The following LAP3 variants were observed in gnomAD, a reference collection of about 807,000 sequenced individuals.
The protein encoded by LAP3 is cytosol aminopeptidase.
Under a neutral mutation model 58.8 loss-of-function variants are expected in LAP3, and 46 were observed. That is an observed-to-expected ratio of 0.78 (90% CI 0.62 to 1.00). The LOEUF (loss-of-function observed/expected upper bound fraction) is 1.00, where lower values mean the gene tolerates loss of function less well. Ranked by LOEUF, LAP3 falls within the 50% of genes least tolerant of loss-of-function variation. LAP3 has a pLI of 0.00. For synonymous variants in LAP3, 257 were observed against 237.7 expected, an observed-to-expected ratio of 1.08 and a Z score of -0.75; for missense variants, 615 against 659.1, an observed-to-expected ratio of 0.93 and a Z score of 0.73.
intron 2 of LAP3, among the ~76,000 whole-genome samples, chr4:17,581,421 C>T (rs1002895722): frequency 6.6e-6 from 1 of 152,038 alleles, no homozygotes; most frequent in Non-Finnish European, 1.5e-5. Flanking sequence ...ATTAGAAAGG[C>T]TACACCTAAG....
chr4:17,578,714 C>T (rs1713276081), intron 1 of LAP3, among the ~76,000 whole-genome samples: 1 of 152,190 alleles, frequency 6.6e-6, no homozygotes, highest in Admixed American at 6.5e-5. Flanking sequence ...ACTAGGTTTG[C>T]TTCCTCATTT....
In LAP3 at chr4:17,602,024, G is replaced by A. The variant is rs546375015; in HGVS notation, c.1181-2564G>A. On this transcript the variant is annotated intron_variant, in intron 10 of 12. Transcript: ENST00000226299. ...ATGAGCAGTTTCATGTAAAGACATG[G>A]TTAAGAATTTAAGGAGCAACTTGGA... 3.9e-5 allele frequency among the ~76,000 whole-genome samples: 6 copies of A among 152,142 alleles called. No individual in the cohort carries two copies. The East Asian group carries it at 9.6e-4, about 24-fold the overall frequency.
Position 17,605,524 on chromosome 4 carries a change from T to C in LAP3, c.1260+857T>C, listed in dbSNP as rs138359478. On this transcript the variant is annotated intron_variant, in intron 11 of 12. Coordinates refer to ENST00000226299, the MANE Select transcript of LAP3 (RefSeq NM_015907.3). ...ACTCATTCATTCAACTAGTAATTAA[T>C]GGGAGCTTACTCTGTGCCAGTGGGA... 1.1e-3 allele frequency among the ~76,000 whole-genome samples: 171 copies of C among 152,326 alleles called. 1 individual carries two copies. Among genetic ancestry groups the C allele is most frequent in the African/African-American group, 3.6e-3 (151 of 41,570 alleles).
At chr4:17,603,528 G>A (rs1362538738) in intron 10 of LAP3, among the ~76,000 whole-genome samples, 1 of 147,908 alleles carries the variant, frequency 6.8e-6, no homozygotes, top group African/African-American at 2.5e-5. Context: ...TTTTGAGACA[G>A]AGTTTCGCTC....
In LAP3 at chr4:17,579,154, G is replaced by A. The variant is rs922659706; in HGVS notation, c.103-670G>A. ...TTTAAACAAAGAACAATGCATTGTG[G>A]GGGTGTGACAAGACAAAGGGGCTTG... is the stretch of plus-strand genomic sequence containing the variant. On this transcript the variant is annotated intron_variant, in intron 1 of 12. Transcript: ENST00000226299. Among the ~76,000 whole-genome samples the A allele has an allele frequency of 5.9e-5, 9 of 152,338 alleles. 1 individual carries two copies. The East Asian group carries it at 1.3e-3, about 23-fold the overall frequency.
chr4:17,587,156 A>G (rs1203312128), intron 6 of LAP3, among the ~76,000 whole-genome samples: 1 of 152,194 alleles, frequency 6.6e-6, no homozygotes, highest in Admixed American at 6.5e-5. Context: ...TAGAAGTTAC[A>G]GTACAAGAGA....
In LAP3 at chr4:17,606,895, G is replaced by T; in HGVS notation, c.1327G>T (p.Val443Leu). 1.2e-6 allele frequency: 2 copies of T among 1,613,552 alleles called. No homozygotes were observed. The highest frequency in any genetic ancestry group is 1.7e-6 in the Non-Finnish European group (2 of 1,179,848). ...CTTCGAACATTATACAAGACAGGTT[G>T]TAGATTGCCAGCTTGCTGATGTTAA... ...PLFEHYTRQV[V>L]DCQLADVNNI... Residue 443 changes from valine to leucine, a missense_variant, in exon 12 of 13, where the codon GTA becomes TTA. Physicochemically the swap from Val to Leu is conservative, Grantham distance 32. Coordinates refer to ENST00000226299, the MANE Select transcript of LAP3 (RefSeq NM_015907.3).
intron 2 of LAP3, among the ~76,000 whole-genome samples, chr4:17,580,483 CAG>C (rs1242603194): frequency 6.6e-6 from 1 of 151,812 alleles, no homozygotes; most frequent in Non-Finnish European, 1.5e-5. Flanking sequence ...CCAGCCCAAT[CAG>C]AAATCTATTG....
intron 7 of LAP3, among the ~76,000 whole-genome samples, chr4:17,593,461 C>T (rs1283477569): frequency 1.3e-5 from 2 of 152,108 alleles, no homozygotes; most frequent in Non-Finnish European, 2.9e-5. Context: ...ATCCTTTCAC[C>T]AGTGCCTGAA....
At chr4:17,583,726 A>C in intron 5 of LAP3, 84 bp downstream of exon 5, 1 of 1,483,696 alleles carries the variant, frequency 6.7e-7, no homozygotes, top group South Asian at 1.2e-5. Flanking sequence ...CCTGCTTTTC[A>C]GCGCCACCCA....
chr4:17,589,609 C>T (rs79913971), intron 7 of LAP3, among the ~76,000 whole-genome samples: 65 of 152,234 alleles, frequency 4.3e-4, no homozygotes, highest in African/African-American at 1.5e-3. Flanking sequence ...AAGTCAAACT[C>T]AGGTGTGTCG....
intron 7 of LAP3, among the ~76,000 whole-genome samples, chr4:17,593,459 A>G (rs1713749002): frequency 2.6e-5 from 4 of 152,148 alleles, no homozygotes; most frequent in Middle Eastern, 3.4e-3. Context: ...GTATCCTTTC[A>G]CCAGTGCCTG....
At chr4:17,602,699 C>CT (rs765497227) in intron 10 of LAP3, among the ~76,000 whole-genome samples, 29 of 151,754 alleles carry the variant, frequency 1.9e-4, no homozygotes, top group East Asian at 5.9e-4. Context: ...AATTTTTTCT[C>CT]TTTTTTTTGA....
chr4:17,602,809 T>C (rs1714011996), intron 10 of LAP3, among the ~76,000 whole-genome samples: 1 of 151,898 alleles, frequency 6.6e-6, no homozygotes, highest in Non-Finnish European at 1.5e-5. Flanking sequence ...CTCAGCCACC[T>C]GAGTAGCTGG....
At chr4:17,601,935 G>A (rs187606295) in intron 10 of LAP3, among the ~76,000 whole-genome samples, 26 of 152,256 alleles carry the variant, frequency 1.7e-4, no homozygotes, top group Admixed American at 7.8e-4. Context: ...CAGAACACAC[G>A]GATACGGAGG....
At chr4:17,597,399 C>T (rs898660648) in intron 9 of LAP3, among the ~76,000 whole-genome samples, 3 of 152,228 alleles carry the variant, frequency 2.0e-5, no homozygotes, top group Non-Finnish European at 4.4e-5. Flanking sequence ...ACCTTAGCGA[C>T]CTGAGTAGCT....
At chr4:17,605,954 T>C (rs114912126) in intron 11 of LAP3, among the ~76,000 whole-genome samples, 3,640 of 152,310 alleles carry the variant, frequency 0.024, 137 homozygotes, top group African/African-American at 0.078. Context: ...TATTGCTGCT[T>C]CTTGATTTTT....
rs1713225712 is a variant in LAP3 at position 17,577,406 on chromosome 4, G to T, written c.-60G>T. On this transcript the variant is annotated 5_prime_UTR_variant, in exon 1 of 13. Transcript: ENST00000226299. ...CCCCGAAAGCCCCGCCCCAAGGCGC[G>T]CCCGCCCACCGCTCTCCACGTGCTC... The T allele has an allele frequency of 6.0e-6, 8 of 1,338,820 alleles. No individual in the cohort carries two copies. Among genetic ancestry groups the T allele is most frequent in the South Asian group, 1.5e-5 (1 of 68,718 alleles). The allele number at this position is 1,338,820 out of a possible 1,614,324, so 82.9% of individuals were successfully genotyped here.
At chr4:17,577,760 C>T (rs1177688493) in intron 1 of LAP3, among the ~76,000 whole-genome samples, 193 bp downstream of exon 1, 2 of 152,240 alleles carry the variant, frequency 1.3e-5, no homozygotes, top group African/African-American at 4.8e-5. Flanking sequence ...ATTGAGGGCG[C>T]GATTCCCCTG....
Sources: gnomAD v4.1 joint callset for allele counts (sites outside exome capture counted in the v4.1 genomes callset) on GRCh38, gnomAD v4.1.1 for gene constraint, MANE v1.5 for transcripts, NCBI Gene and HGNC (gene_info 2026-07-23, HGNC 2026-07-21) for gene names.